Variants in POM121C observed in about 807,000 individuals in gnomAD.
POM121C encodes nuclear envelope pore membrane protein POM 121C.
POM121C carries 20 observed loss-of-function variants against 66.4 expected under a neutral mutation model. The observed-to-expected ratio is 0.30, with a 90% CI of 0.21 to 0.44. The LOEUF is 0.44. POM121C is among the 20% of genes least tolerant of loss of function. POM121C has a pLI of 1.00. For missense variants in POM121C, 580 were observed against 1,225.7 expected (o/e 0.47, Z 7.87); for synonymous variants, 286 against 528.0 (o/e 0.54, Z 6.28).
In POM121C at chr7:75,421,558, C is replaced by A; in HGVS notation, c.2694G>T (p.Pro898=). The change falls in exon 13 of 15, where the codon CCG becomes CCT. Residue 898 remains proline (P), a synonymous_variant. Coordinates refer to ENST00000615331, the MANE Select transcript of POM121C (RefSeq NM_001099415.3). ...NALGTTGQST[P]FAFNVGSTTE... ...TTGTGCTGCCCACGTTGAAGGCAAA[C>A]GGTGTGCTCTGGCCGGTGGTGCCCA... The A allele has an allele frequency of 1.9e-6, 3 of 1,612,266 alleles. No homozygotes were observed. Among genetic ancestry groups the A allele is most frequent in the Non-Finnish European group, 2.5e-6 (3 of 1,179,710 alleles).
intron 7 of POM121C, among the ~76,000 whole-genome samples, chr7:75,427,032 G>A (rs1220647539): frequency 4.1e-5 from 6 of 146,092 alleles, no homozygotes; most frequent in Admixed American, 4.1e-4. Flanking sequence ...GACTGTCTAC[G>A]GAAAGGATAC....
intron 3 of POM121C, among the ~76,000 whole-genome samples, chr7:75,453,641 T>C (rs1218828864): frequency 2.0e-5 from 3 of 150,406 alleles, no homozygotes; most frequent in Non-Finnish European, 4.4e-5. Context: ...AGTAAAGTGT[T>C]TCAGTTACTA....
At chr7:75,461,107 C>A (rs1417835613) in intron 3 of POM121C, among the ~76,000 whole-genome samples, 15 of 152,072 alleles carry the variant, frequency 9.9e-5, no homozygotes, top group African/African-American at 3.4e-4. Context: ...GAGCTTCAGA[C>A]CTCAACAAGC....
intron 3 of POM121C, among the ~76,000 whole-genome samples, chr7:75,469,546 C>T (rs1791794879): frequency 1.3e-5 from 2 of 152,188 alleles, no homozygotes; most frequent in South Asian, 4.1e-4. Flanking sequence ...CTGTTCTCAA[C>T]AGAGAGGCCA....
intron 3 of POM121C, among the ~76,000 whole-genome samples, chr7:75,472,140 C>A (rs1282088203): frequency 6.6e-6 from 1 of 151,950 alleles, no homozygotes; most frequent in African/African-American, 2.4e-5. Flanking sequence ...CCCACCTCGG[C>A]CTCCCAAAGT....
At chr7:75,428,951 G>GA (rs34134180) in intron 7 of POM121C, among the ~76,000 whole-genome samples, 1,613 of 124,440 alleles carry the variant, frequency 0.013, 27 homozygotes, top group African/African-American at 0.04. Flanking sequence ...TCTCTTCAAG[G>GA]AAAAAAAAAA....
At chr7:75,433,387 G>A (rs782453816) in intron 7 of POM121C, among the ~76,000 whole-genome samples, 1 of 151,072 alleles carries the variant, frequency 6.6e-6, no homozygotes, top group African/African-American at 2.4e-5. Context: ...ATGGAGTCTC[G>A]CTCTGTCGCC....
chr7:75,485,313 T>C (rs587698282), intron 1 of POM121C, among the ~76,000 whole-genome samples: 63 of 152,212 alleles, frequency 4.1e-4, no homozygotes, highest in Non-Finnish European at 1.0e-4. Context: ...TTAAGAAAAC[T>C]AGGATACGGG....
rs587763650 is a variant in POM121C at position 75,421,931 on chromosome 7, G to A, written c.2321C>T (p.Ala774Val). ...QPTFGGATHS[A>V]FGLKATASAF... ...GGAAGCCGTGGCTTTCAATCCAAAC[G>A]CCGAGTGCGTGGCACCGCCAAAGGT... Residue 774 changes from alanine (A) to valine (V), a missense_variant, in exon 13 of 15, where the codon GCG (alanine) becomes GTG (valine). Coordinates refer to ENST00000615331, the MANE Select transcript of POM121C (RefSeq NM_001099415.3). 4.4e-5 allele frequency: 71 copies of A among 1,613,492 alleles called. 1 individual carries two copies. The Admixed American group carries it at 1.1e-3, about 24-fold the overall frequency.
rs2923700 is a variant in POM121C at position 75,475,065 on chromosome 7, A to C, written c.-334T>G. On this transcript the variant is annotated 5_prime_UTR_variant, in exon 2 of 15. Transcript: ENST00000615331. Reference sequence around the variant, plus strand: ...TCAGAAAGCAAGCTATCCTCACCCAAGGAAACTAGATGGCTGTAGTTCTCC... The same window carrying C: ...TCAGAAAGCAAGCTATCCTCACCCACGGAAACTAGATGGCTGTAGTTCTCC... 687 of 1,327,690 alleles carry C rather than the reference A, an allele frequency of 5.2e-4. 9 individuals are homozygous for C. Among genetic ancestry groups the C allele is most frequent in the South Asian group, 4.6e-3 (390 of 83,922 alleles). 82.2% of individuals were successfully genotyped at this position (1,327,690 alleles called of 1,614,324 possible). A position where few individuals can be genotyped will look rare whatever the true frequency, so the allele number is the denominator to read the frequency against.
intron 3 of POM121C, among the ~76,000 whole-genome samples, chr7:75,474,089 C>G (rs1191499770): frequency 1.3e-5 from 2 of 152,082 alleles, no homozygotes; most frequent in African/African-American, 4.8e-5. Context: ...TTCTGAATGC[C>G]CCAAAATGAA....
At position 75,447,612 on chromosome 7, in the gene POM121C, A is replaced by G. The variant is rs1454208013; in HGVS notation, c.-151-5965T>C. Among the ~76,000 whole-genome samples, 12 of 152,168 alleles carry G rather than the reference A, an allele frequency of 7.9e-5. 1 individual carries two copies. The highest frequency in any genetic ancestry group is 1.6e-4 in the Non-Finnish European group (11 of 68,004). On this transcript the variant is annotated intron_variant, in intron 3 of 14. Coordinates refer to ENST00000615331, the MANE Select transcript of POM121C (RefSeq NM_001099415.3). Reference sequence around the variant, plus strand: ...TATTTTAAGAAAGTTAAATAAACATATTTTCAGACACATAAAAGCTGGGAG... The same window carrying G: ...TATTTTAAGAAAGTTAAATAAACATGTTTTCAGACACATAAAAGCTGGGAG...
intron 13 of POM121C, 104 bp downstream of exon 13, chr7:75,421,405 C>G: frequency 1.3e-6 from 2 of 1,554,860 alleles, no homozygotes; most frequent in Non-Finnish European, 1.7e-6. Flanking sequence ...ATATTCAGTG[C>G]CTGTCTCTTC....
rs782694650 is a variant in POM121C at position 75,441,057 on chromosome 7, A to G, written c.124T>C (p.Cys42Arg). 1 of 1,613,864 alleles carries G rather than the reference A, an allele frequency of 6.2e-7. No individual in the cohort carries two copies. The highest frequency in any genetic ancestry group is 2.2e-5 in the East Asian group (1 of 44,882). ...SSPSSNAPDP[C>R]AKETVLSALK... ...GCACTCAGTACAGTCTCCTTTGCAC[A>G]TGGGTCTGGGGCATTACTTGATGGT... Residue 42 changes from cysteine to arginine, a missense_variant, in exon 5 of 15, where the codon TGT (cysteine) becomes CGT (arginine). Coordinates refer to ENST00000615331, the MANE Select transcript of POM121C (RefSeq NM_001099415.3).
At chr7:75,424,872 A>T (rs1402172191) in intron 10 of POM121C, 7 of 1,176,926 alleles carry the variant, frequency 5.9e-6, no homozygotes, top group African/African-American at 1.6e-5. Flanking sequence ...AGGCAGGAGA[A>T]TTGCTTGAAC....
chr7:75,483,663 G>A (rs10953647), intron 1 of POM121C, among the ~76,000 whole-genome samples: 11 of 152,166 alleles, frequency 7.2e-5, no homozygotes, highest in African/African-American at 1.9e-4. Context: ...ACTGCCAAGA[G>A]TATCAGTCCT....
At chr7:75,474,921 G>C (rs1584714887) in intron 2 of POM121C, 39 bp from the exon 3 acceptor site, 1 of 1,036,690 alleles carries the variant, frequency 9.6e-7, no homozygotes, top group African/African-American at 1.6e-5. Flanking sequence ...CCTTATCAAA[G>C]TTAGAACCTT....
At chr7:75,450,975 C>T (rs1300611284) in intron 3 of POM121C, among the ~76,000 whole-genome samples, 2 of 151,950 alleles carry the variant, frequency 1.3e-5, no homozygotes, top group South Asian at 4.1e-4. Context: ...CTCTATAAAT[C>T]GTGAAGGACC....
chr7:75,449,582 G>GGT (rs1461702581), intron 3 of POM121C, among the ~76,000 whole-genome samples: 2 of 151,880 alleles, frequency 1.3e-5, no homozygotes, highest in Non-Finnish European at 2.9e-5. Context: ...TAGCCAGGAT[G>GGT]GTCTCGATCT....
Sources: allele counts gnomAD v4.1 joint callset (sites outside exome capture counted in the v4.1 genomes callset), GRCh38; gene constraint gnomAD v4.1.1; transcripts MANE v1.5; gene names NCBI Gene and HGNC (gene_info 2026-07-23, HGNC 2026-07-21).